SND1: variants seen among roughly 807,000 people sequenced by gnomAD.
SND1 encodes the protein staphylococcal nuclease and tudor domain containing 1, also known as staphylococcal nuclease domain-containing protein 1.
A neutral mutation model predicts 121.7 loss-of-function variants in SND1; 38 were observed. The ratio of observed to expected loss-of-function variants is 0.31; its 90% CI spans 0.24 to 0.41. The LOEUF is 0.41. Among genes scored for constraint, SND1 ranks in the 10% least tolerant of loss-of-function variants. The probability of loss-of-function intolerance (pLI) is 1.00; values close to 1 mark genes in which losing one functional copy is unlikely to be tolerated. For missense variants in SND1, 868 were observed against 1,184.6 expected (o/e 0.73, Z 3.92); for synonymous variants, 401 against 447.4 (o/e 0.90, Z 1.31).
At chr7:127,762,672 A>G (rs1054013592) in intron 10 of SND1, among the ~76,000 whole-genome samples, 24 of 152,200 alleles carry the variant, frequency 1.6e-4, no homozygotes, top group Admixed American at 1.4e-3. Context: ...CCTCATCTTT[A>G]TCTCTGCAAC....
At position 127,652,273 on chromosome 7, in the gene SND1, A is replaced by T. The variant is rs1453513762; in HGVS notation, c.-101A>T. The T allele has an allele frequency of 4.1e-6, 4 of 987,190 alleles. No individual in the cohort carries two copies. The highest frequency in any genetic ancestry group is 6.3e-6 in the Non-Finnish European group (4 of 632,850). 61.2% of individuals were successfully genotyped at this position (987,190 alleles called of 1,614,324 possible). The stretch of plus-strand genomic sequence containing the variant: ...CGTCCACCGTCCGCAGCTGGTAGCC[A>T]GCCTGCCCCTCGCCTCGACTCCCTT... On this transcript the variant is annotated 5_prime_UTR_variant, in exon 1 of 24. Coordinates refer to ENST00000354725, the MANE Select transcript of SND1 (RefSeq NM_014390.4).
chr7:127,844,741 G>A (rs780060958), intron 12 of SND1, among the ~76,000 whole-genome samples: 1 of 152,160 alleles, frequency 6.6e-6, no homozygotes, highest in African/African-American at 2.4e-5. Flanking sequence ...TGTCTAAAAT[G>A]GTCTCTGCAT....
At chr7:127,925,392 C>G (rs1202393901) in intron 14 of SND1, among the ~76,000 whole-genome samples, 1 of 152,112 alleles carries the variant, frequency 6.6e-6, no homozygotes, top group African/African-American at 2.4e-5. Context: ...TATGAGCCAA[C>G]ATAGTGGCAG....
chr7:127,662,153 C>G (rs1795325192), intron 1 of SND1, among the ~76,000 whole-genome samples: 2 of 151,964 alleles, frequency 1.3e-5, no homozygotes, highest in Admixed American at 6.6e-5. Flanking sequence ...CCTCCTTGCC[C>G]CTCAGTTTTC....
At chr7:127,970,357 C>T (rs1243817281) in intron 15 of SND1, among the ~76,000 whole-genome samples, 2 of 152,174 alleles carry the variant, frequency 1.3e-5, no homozygotes, top group African/African-American at 4.8e-5. Context: ...TTGTGTAAGT[C>T]ATTGAACTTC....
At chr7:127,975,357 G>C (rs544645280) in intron 15 of SND1, among the ~76,000 whole-genome samples, 21 of 151,820 alleles carry the variant, frequency 1.4e-4, no homozygotes, top group African/African-American at 5.1e-4. Flanking sequence ...GCGCACGCGC[G>C]TGTGTATGTG....
chr7:128,076,695 C>T (rs950158309), intron 17 of SND1, among the ~76,000 whole-genome samples: 1 of 152,190 alleles, frequency 6.6e-6, no homozygotes, highest in Admixed American at 6.5e-5. Flanking sequence ...ATCCTGTTAG[C>T]ATCAGGATGC....
At chr7:127,703,143 A>AC in intron 6 of SND1, 22 bp from the exon 7 acceptor site, 1 of 1,613,908 alleles carries the variant, frequency 6.2e-7, no homozygotes, top group Non-Finnish European at 8.5e-7. Context: ...TGCATTACTC[A>AC]CCTACCTTGC....
At chr7:127,903,319 C>T (rs918677867) in intron 13 of SND1, among the ~76,000 whole-genome samples, 4 of 152,108 alleles carry the variant, frequency 2.6e-5, no homozygotes, top group Non-Finnish European at 5.9e-5. Flanking sequence ...CCACTGCACC[C>T]GGCCCCATTT....
At chr7:127,778,451 C>G (rs1360830652) in intron 10 of SND1, among the ~76,000 whole-genome samples, 1 of 152,178 alleles carries the variant, frequency 6.6e-6, no homozygotes, top group African/African-American at 2.4e-5. Context: ...CCCACCTTGG[C>G]CTCCCAAAGT....
intron 10 of SND1, among the ~76,000 whole-genome samples, chr7:127,792,860 T>C (rs1289333219): frequency 6.6e-6 from 1 of 152,160 alleles, no homozygotes; most frequent in South Asian, 2.1e-4. Flanking sequence ...GAGGAAGAAG[T>C]AGTGCTCTGG....
At chr7:127,749,998 C>G (rs899228072) in intron 10 of SND1, among the ~76,000 whole-genome samples, 1 of 152,124 alleles carries the variant, frequency 6.6e-6, no homozygotes, top group Admixed American at 6.6e-5. Flanking sequence ...TGTTTGGAAG[C>G]CTGAGGTGGG....
intron 10 of SND1, among the ~76,000 whole-genome samples, chr7:127,764,055 A>AAAAAAAC (rs1563004819): frequency 8.3e-6 from 1 of 120,844 alleles, no homozygotes; most frequent in African/African-American, 2.8e-5. Context: ...AAAAAAAACA[A>AAAAAAAC]AAAAACAAAA....
intron 20 of SND1, 92 bp from the exon 21 acceptor site, chr7:128,086,846 C>G (rs941589229): frequency 9.6e-7 from 1 of 1,038,758 alleles, no homozygotes; most frequent in African/African-American, 1.6e-5. Flanking sequence ...CCAGAGTTAG[C>G]ATTCCCAGAG....
chr7:127,726,380 C>T (rs187651984), intron 10 of SND1, among the ~76,000 whole-genome samples: 7 of 152,330 alleles, frequency 4.6e-5, no homozygotes, highest in South Asian at 4.1e-4. Context: ...CCGTAGGAGA[C>T]GTTAACTCTT....
chr7:127,867,520 C>A (rs892259056), intron 12 of SND1, among the ~76,000 whole-genome samples: 1 of 152,132 alleles, frequency 6.6e-6, no homozygotes, highest in Non-Finnish European at 1.5e-5. Flanking sequence ...CTCAAATGAT[C>A]GCGTCTTTTG....
intron 16 of SND1, chr7:127,997,469 C>T (rs1274507019): frequency 2.4e-5 from 8 of 338,856 alleles, no homozygotes; most frequent in Admixed American, 4.1e-5. Context: ...GCTCTTCCCA[C>T]AGCTCCTGTG....
chr7:127,675,883 C>G (rs1301748507), intron 1 of SND1, among the ~76,000 whole-genome samples: 1 of 152,174 alleles, frequency 6.6e-6, no homozygotes, highest in South Asian at 2.1e-4. Flanking sequence ...CATAAATAAG[C>G]CTTGATCTCC....
chr7:128,068,210 A>G (rs554584235), intron 16 of SND1, among the ~76,000 whole-genome samples: 1 of 152,092 alleles, frequency 6.6e-6, no homozygotes, highest in Admixed American at 6.5e-5. Flanking sequence ...TTCTTAAATA[A>G]TCTTCCCCAC....
Sources: allele counts gnomAD v4.1 joint callset (sites outside exome capture counted in the v4.1 genomes callset), GRCh38; gene constraint gnomAD v4.1.1; transcripts MANE v1.5; gene names NCBI Gene and HGNC (gene_info 2026-07-23, HGNC 2026-07-21).